Variants in RELN observed in about 807,000 individuals in gnomAD.
RELN encodes reelin.
A neutral mutation model predicts 427.6 loss-of-function variants in RELN; 108 were observed. The ratio of observed to expected loss-of-function variants is 0.25; its 90% CI spans 0.22 to 0.30. The LOEUF is 0.30. Among genes scored for constraint, RELN ranks in the 10% least tolerant of loss-of-function variants. The pLI is 1.00. For missense variants in RELN, 3,715 were observed against 4,302.8 expected (o/e 0.86, Z 3.82); for synonymous variants, 1,524 against 1,513.4 (o/e 1.01, Z -0.16).
At chr7:103,870,787 T>C (rs1794312729) in intron 2 of RELN, among the ~76,000 whole-genome samples, 1 of 152,104 alleles carries the variant, frequency 6.6e-6, no homozygotes, top group African/African-American at 2.4e-5. Flanking sequence ...GGTCTCTTCC[T>C]ACATGTGTGC....
intron 40 of RELN, among the ~76,000 whole-genome samples, chr7:103,552,340 T>G (rs1830431901): frequency 6.6e-6 from 1 of 152,160 alleles, no homozygotes; most frequent in Non-Finnish European, 1.5e-5. Flanking sequence ...ATATACACAG[T>G]AACACATAAC....
intron 2 of RELN, among the ~76,000 whole-genome samples, chr7:103,875,613 T>C (rs7803462): frequency 0.14 from 21,819 of 152,124 alleles, 1,880 homozygotes; most frequent in East Asian, 0.34. Context: ...CTTAAAATGC[T>C]GTTTTAAAAC....
At chr7:103,546,538 G>A (rs1830300818) in intron 41 of RELN, among the ~76,000 whole-genome samples, 1 of 152,044 alleles carries the variant, frequency 6.6e-6, no homozygotes. Context: ...TGGACCTTAT[G>A]GTAAATGACA....
chr7:103,674,749 T>C (rs887170088), intron 11 of RELN, among the ~76,000 whole-genome samples: 3 of 152,318 alleles, frequency 2.0e-5, no homozygotes, highest in East Asian at 1.9e-4. Context: ...AATCAATAAA[T>C]GTAATCCGTC....
intron 7 of RELN, 132 bp downstream of exon 7, chr7:103,727,979 A>G (rs184681578): frequency 2.4e-5 from 19 of 806,812 alleles, no homozygotes; most frequent in African/African-American, 8.5e-5. Context: ...CAATTTTAAG[A>G]TATTTGTAAT....
chr7:103,698,123 G>C, intron 9 of RELN, 30 bp from the exon 10 acceptor site: 1 of 1,613,086 alleles, frequency 6.2e-7, no homozygotes, highest in Non-Finnish European at 8.5e-7. Context: ...GGCAAGTTTA[G>C]CAATGCTGAC....
intron 1 of RELN, among the ~76,000 whole-genome samples, chr7:103,931,828 A>T (rs369456954): frequency 6.6e-6 from 1 of 152,150 alleles, no homozygotes; most frequent in African/African-American, 2.4e-5. Context: ...TTTGTACACA[A>T]TTCTCTCAGA....
chr7:103,705,916 A>T (rs1834188997), intron 8 of RELN, among the ~76,000 whole-genome samples: 1 of 152,234 alleles, frequency 6.6e-6, no homozygotes. Context: ...TATTTAATGA[A>T]CTTTAGCTAT....
At chr7:103,903,850 GTT>G in intron 2 of RELN, among the ~76,000 whole-genome samples, 1 of 150,380 alleles carries the variant, frequency 6.6e-6, no homozygotes, top group South Asian at 2.1e-4. Flanking sequence ...TTTTGTTTTT[GTT>G]TTTTTTTAAG....
chr7:103,880,803 C>T (rs937154251), intron 2 of RELN, among the ~76,000 whole-genome samples: 7 of 152,176 alleles, frequency 4.6e-5, no homozygotes, highest in Admixed American at 4.6e-4. Context: ...AGCAATCCTA[C>T]CACCTCAGCT....
chr7:103,803,118 T>C (rs1358581669), intron 3 of RELN, among the ~76,000 whole-genome samples: 1 of 152,100 alleles, frequency 6.6e-6, no homozygotes, highest in East Asian at 1.9e-4. Flanking sequence ...GGGCCAAGAA[T>C]AAGCTCCTTT....
intron 6 of RELN, among the ~76,000 whole-genome samples, chr7:103,734,196 G>A (rs560319411): frequency 6.6e-6 from 1 of 152,278 alleles, no homozygotes; most frequent in African/African-American, 2.4e-5. Flanking sequence ...GCTTTGTAAA[G>A]TTAGGTAACA....
Position 103,502,897 on chromosome 7 carries a change from T to C in RELN, c.8489+119A>G, listed in dbSNP as rs1166905306. ...TAACCAATTAGAGAACCTTTAGAGT[T>C]AGGGAGAAAGAAAGCACTTTACCCA... On this transcript the variant is annotated intron_variant, in intron 52 of 64. Coordinates refer to ENST00000428762, the MANE Select transcript of RELN (RefSeq NM_005045.4). 7 of 840,074 alleles carry C rather than the reference T, an allele frequency of 8.3e-6. 1 individual carries two copies. Among genetic ancestry groups the C allele is most frequent in the Non-Finnish European group, 6.0e-6 (3 of 499,314 alleles). 52.0% of individuals were successfully genotyped at this position (840,074 alleles called of 1,614,324 possible).
rs578256788 is a variant in RELN at position 103,570,105 on chromosome 7, G to T, written c.4588+2079C>A. On this transcript the variant is annotated intron_variant, in intron 31 of 64. Transcript: ENST00000428762. ...AATGCCTGTGGGATGTGAATTACAC[G>T]GCCGGCACTGAGTTTATGAAAGTGT... Among the ~76,000 whole-genome samples, 255 of 152,230 alleles carry T rather than the reference G, an allele frequency of 1.7e-3. 4 individuals are homozygous for T. The highest frequency in any genetic ancestry group is 5.8e-3 in the African/African-American group (243 of 41,548).
intron 3 of RELN, among the ~76,000 whole-genome samples, chr7:103,828,623 AT>A (rs1211290472): frequency 9.2e-5 from 14 of 151,884 alleles, no homozygotes; most frequent in Non-Finnish European, 1.9e-4. Flanking sequence ...ATTGTGATGA[AT>A]TTTGCCTGTA....
chr7:103,755,497 G>A (rs1415722052), intron 4 of RELN, among the ~76,000 whole-genome samples: 42 of 150,650 alleles, frequency 2.8e-4, no homozygotes, highest in Admixed American at 3.3e-4. Context: ...AGTCCCAGCT[G>A]CTCAGGAGGC....
chr7:103,535,412 T>A lies in RELN; in HGVS notation c.7253A>T (p.Asn2418Ile). The A allele has an allele frequency of 6.2e-7, 1 of 1,613,938 alleles. No homozygotes were observed. The highest frequency in any genetic ancestry group is 8.5e-7 in the Non-Finnish European group (1 of 1,179,830). ...HPLVRDCLPTNVECSRYHLQR... is the reference protein window; with the variant it reads ...HPLVRDCLPTIVECSRYHLQR... ...CAGATGATAGCGACTGCATTCCACA[T>A]TGGTAGGCAGACAGTCCCTTACCAA... is the stretch of plus-strand genomic sequence containing the variant. The change falls in exon 46 of 65, where the codon AAT becomes ATT. Residue 2418 changes from asparagine to isoleucine, a missense_variant. Physicochemically the swap from Asn to Ile is moderately radical, Grantham distance 149. Coordinates refer to ENST00000428762, the MANE Select transcript of RELN (RefSeq NM_005045.4).
chr7:103,540,155 C>A (rs1184099651), intron 44 of RELN, 42 bp downstream of exon 44: 1 of 1,612,070 alleles, frequency 6.2e-7, no homozygotes, highest in East Asian at 2.2e-5. Flanking sequence ...ACATTCAGCT[C>A]AAGTGACGAC....
intron 57 of RELN, among the ~76,000 whole-genome samples, chr7:103,495,280 C>T (rs988645728): frequency 1.3e-5 from 2 of 151,206 alleles, no homozygotes; most frequent in Admixed American, 1.3e-4. Flanking sequence ...CTCAGCCTCC[C>T]AAGTAGCTGG....
Sources: gnomAD v4.1 joint callset for allele counts (sites outside exome capture counted in the v4.1 genomes callset) on GRCh38, gnomAD v4.1.1 for gene constraint, MANE v1.5 for transcripts, NCBI Gene and HGNC (gene_info 2026-07-23, HGNC 2026-07-21) for gene names.